The following CPQ variants were observed in gnomAD, a reference collection of about 807,000 sequenced individuals.
The protein encoded by CPQ is carboxypeptidase Q, also known as Ser-Met dipeptidase.
In CPQ, 37 loss-of-function variants were observed where a neutral mutation model predicts 45.7. The ratio of observed to expected loss-of-function variants is 0.81; its 90% confidence interval spans 0.62 to 1.07. The LOEUF (loss-of-function observed/expected upper bound fraction) is 1.07. Ranked by LOEUF, CPQ falls within the 50% of genes least tolerant of loss-of-function variation. The pLI, the probability that CPQ is intolerant of heterozygous loss-of-function variation, is 0.00. For synonymous variants in CPQ, 186 were observed against 205.8 expected (o/e 0.90, Z 0.82); for missense variants, 537 against 572.9 (o/e 0.94, Z 0.64).
intron 1 of CPQ, among the ~76,000 whole-genome samples, chr8:96,776,035 G>C (rs1810600905): frequency 6.6e-6 from 1 of 152,186 alleles, no homozygotes. Flanking sequence ...CCTTATGTTT[G>C]TATCTTTTCC....
At chr8:97,009,865 T>G (rs1809453210) in intron 5 of CPQ, among the ~76,000 whole-genome samples, 2 of 152,162 alleles carry the variant, frequency 1.3e-5, no homozygotes, top group African/African-American at 4.8e-5. Flanking sequence ...ATTTGTACAT[T>G]TTCTGTGATT....
At chr8:96,663,566 T>G (rs181403960) in intron 1 of CPQ, among the ~76,000 whole-genome samples, 1 of 152,336 alleles carries the variant, frequency 6.6e-6, no homozygotes, top group East Asian at 1.9e-4. Context: ...GTGAGCACTT[T>G]TCAAACCTAA....
At chr8:96,878,008 G>A (rs1015316834) in intron 3 of CPQ, among the ~76,000 whole-genome samples, 2 of 152,032 alleles carry the variant, frequency 1.3e-5, no homozygotes, top group Non-Finnish European at 2.9e-5. Flanking sequence ...TGTCGCCCAG[G>A]CTGGAGTGCA....
At chr8:96,651,370 G>A (rs895775137) in intron 1 of CPQ, among the ~76,000 whole-genome samples, 3 of 152,210 alleles carry the variant, frequency 2.0e-5, no homozygotes, top group African/African-American at 7.2e-5. Context: ...GTATTAAAAT[G>A]AAACCAAGTA....
At chr8:96,743,972 G>A (rs1810135381) in intron 1 of CPQ, among the ~76,000 whole-genome samples, 1 of 152,230 alleles carries the variant, frequency 6.6e-6, no homozygotes, top group South Asian at 2.1e-4. Context: ...TACAGAGGCA[G>A]GCAGGCCTCC....
intron 7 of CPQ, among the ~76,000 whole-genome samples, chr8:97,123,009 TAAA>T (rs1460342092): frequency 3.0e-4 from 7 of 23,640 alleles, no homozygotes; most frequent in Admixed American, 1.5e-3. Context: ...AAATATAAAA[TAAA>T]ATAAAATAAA....
chr8:97,133,405 T>C (rs777444604), intron 7 of CPQ: 1 of 152,182 alleles, frequency 6.6e-6, no homozygotes, highest in Non-Finnish European at 1.5e-5. Flanking sequence ...ATGGGGACTT[T>C]GTGAGTCACT....
At position 96,896,810 on chromosome 8, in the gene CPQ, T is replaced by C. The variant is rs188259597; in HGVS notation, c.849+16805T>C. Among the ~76,000 whole-genome samples the C allele has an allele frequency of 2.0e-3, 299 of 152,308 alleles. 3 individuals carry two copies. Among genetic ancestry groups the C allele is most frequent in the African/African-American group, 6.7e-3 (278 of 41,586 alleles). On this transcript the variant is annotated intron_variant, in intron 4 of 7. Coordinates refer to ENST00000220763, the MANE Select transcript of CPQ (RefSeq NM_016134.4). ...GCTTTAAAGAACATAAATGAATGAA[T>C]GAACATGAATGAGCTAATGAATGAA...
At chr8:96,676,117 T>G (rs1809073512) in intron 1 of CPQ, among the ~76,000 whole-genome samples, 1 of 152,084 alleles carries the variant, frequency 6.6e-6, no homozygotes, top group Non-Finnish European at 1.5e-5. Context: ...ATTTATCATT[T>G]CTTTGCTTTG....
At chr8:97,033,146 C>G (rs1203377088) in intron 6 of CPQ, among the ~76,000 whole-genome samples, 1 of 143,886 alleles carries the variant, frequency 6.9e-6, no homozygotes, top group Non-Finnish European at 1.5e-5. Flanking sequence ...CAAATAAGAA[C>G]AGAACTTTTA....
rs756399625 is a variant in CPQ, at chr8:96,785,026, T to TGGA, written c.131_133dup (p.Gly44dup). 3 of 1,613,842 alleles carry TGGA rather than the reference T, an allele frequency of 1.9e-6. No homozygotes were observed. The highest frequency in any genetic ancestry group is 2.5e-6 in the Non-Finnish European group (3 of 1,179,818). Reference sequence around the variant, plus strand: ...AAATAAAAGAAGAAATAGCCAGCTGTGGAGATGTTGCTAAAGCAATCATCA... The same window carrying TGGA: ...AAATAAAAGAAGAAATAGCCAGCTGTGGAGGAGATGTTGCTAAAGCAATCATCA... On this transcript the variant is annotated inframe_insertion, in exon 2 of 8. Transcript: ENST00000220763.
rs1810742497 is a variant in CPQ, at chr8:96,784,948, G to A, written c.51G>A (p.Leu17=). ...TCGGTGGTGTTCACCTTTTATCCCTGTGCTCTGGGAAAGCTATATGCAAGA... is the reference window on the plus strand; with the variant it reads ...TCGGTGGTGTTCACCTTTTATCCCTATGCTCTGGGAAAGCTATATGCAAGA... ...AFFGGVHLLS[L]CSGKAICKNG... is the part of the protein sequence containing the mutation. Residue 17 remains leucine, a synonymous_variant, in exon 2 of 8, where the codon CTG becomes CTA. Coordinates refer to ENST00000220763, the MANE Select transcript of CPQ (RefSeq NM_016134.4). 1.2e-6 allele frequency: 2 copies of A among 1,613,524 alleles called. No homozygotes were observed. The highest frequency in any genetic ancestry group is 1.7e-6 in the Non-Finnish European group (2 of 1,179,672).
chr8:96,953,747 T>G (rs1424366006), intron 4 of CPQ, among the ~76,000 whole-genome samples: 1 of 152,164 alleles, frequency 6.6e-6, no homozygotes, highest in Non-Finnish European at 1.5e-5. Flanking sequence ...TTCCCATGAC[T>G]GAGATACTGT....
At chr8:96,875,449 A>T (rs898868646) in intron 3 of CPQ, among the ~76,000 whole-genome samples, 1 of 151,936 alleles carries the variant, frequency 6.6e-6, no homozygotes, top group African/African-American at 2.4e-5. Context: ...TAAGGCTATG[A>T]TTCATTTTGA....
chr8:96,805,549 A>G (rs1031821501), intron 2 of CPQ, among the ~76,000 whole-genome samples: 2 of 152,206 alleles, frequency 1.3e-5, no homozygotes, highest in Non-Finnish European at 2.9e-5. Context: ...CTGGCTCATT[A>G]CAGGAGTTCT....
chr8:96,736,960 C>T (rs1809991113), intron 1 of CPQ, among the ~76,000 whole-genome samples: 1 of 151,888 alleles, frequency 6.6e-6, no homozygotes, highest in Non-Finnish European at 1.5e-5. Context: ...AGTTGTGTCC[C>T]TTTTTGATTC....
At chr8:96,737,814 C>T (rs888969263) in intron 1 of CPQ, among the ~76,000 whole-genome samples, 1 of 152,072 alleles carries the variant, frequency 6.6e-6, no homozygotes, top group African/African-American at 2.4e-5. Context: ...GGCTATAAAT[C>T]TTCTTTTACT....
chr8:96,925,644 A>G (rs1812862911), intron 4 of CPQ, among the ~76,000 whole-genome samples: 1 of 151,254 alleles, frequency 6.6e-6, no homozygotes, highest in African/African-American at 2.4e-5. Context: ...TGGCCTCCCA[A>G]AGTGCTGGGA....
Position 96,837,963 on chromosome 8 carries a change from CA to C in CPQ, c.641+2784del, listed in dbSNP as rs570778276. On this transcript the variant is annotated intron_variant, in intron 3 of 7. Transcript: ENST00000220763. ...ACTCCACATTCCAGCAGTCAGCAATCACTAACACTTTTCCCACGCACCACGT... is the reference window on the plus strand; with the variant it reads ...ACTCCACATTCCAGCAGTCAGCAATCCTAACACTTTTCCCACGCACCACGT... Among the ~76,000 whole-genome samples, 32 of 152,270 alleles carry C rather than the reference CA, an allele frequency of 2.1e-4. 1 individual carries two copies. Among genetic ancestry groups the C allele is most frequent in the African/African-American group, 7.5e-4 (31 of 41,558 alleles).
Sources: gnomAD v4.1 joint callset for allele counts (sites outside exome capture counted in the v4.1 genomes callset) on GRCh38, gnomAD v4.1.1 for gene constraint, MANE v1.5 for transcripts, NCBI Gene and HGNC (gene_info 2026-07-23, HGNC 2026-07-21) for gene names.